The following STAT4 variants were observed in gnomAD, a reference collection of about 807,000 sequenced individuals.
STAT4 encodes the protein signal transducer and activator of transcription 4.
In STAT4, 42 loss-of-function variants were observed where a neutral mutation model predicts 110.5. That is an observed-to-expected ratio of 0.38 (90% CI 0.30 to 0.49). The LOEUF (loss-of-function observed/expected upper bound fraction) is 0.49. Among genes scored for constraint, STAT4 ranks in the 20% least tolerant of loss-of-function variants. STAT4 has a pLI of 0.95. For synonymous variants in STAT4, 284 were observed against 302.2 expected, an observed-to-expected ratio of 0.94 and a Z score of 0.63; for missense variants, 632 against 887.9, an observed-to-expected ratio of 0.71 and a Z score of 3.66.
chr2:191,131,986 A>C, intron 3 of STAT4: 1 of 1,243,120 alleles, frequency 8.0e-7, no homozygotes, highest in Non-Finnish European at 1.0e-6. Flanking sequence ...AAGAGAAGAC[A>C]GCATGAAACA....
At chr2:191,141,882 T>G (rs1276141339) in intron 3 of STAT4, among the ~76,000 whole-genome samples, 7 of 151,946 alleles carry the variant, frequency 4.6e-5, no homozygotes, top group African/African-American at 1.5e-4. Flanking sequence ...GAATTACAGG[T>G]GTGAGCTACC....
chr2:191,151,526 C>T (rs1174306713), upstream of STAT4: 1 of 985,592 alleles, frequency 1.0e-6, no homozygotes. The surrounding 1 kb of genome is among the most constrained non-coding windows in gnomAD (Gnocchi z 4.7). Flanking sequence ...GGGCCAAGTC[C>T]TGGGTAGGCC....
intron 13 of STAT4, among the ~76,000 whole-genome samples, chr2:191,057,602 CTTTTTTTTTTTTTT>C (rs1696739219): frequency 1.0e-5 from 1 of 98,594 alleles, no homozygotes; most frequent in South Asian, 3.1e-4. Context: ...TTTTCTTTTT[CTTTTTTTTTTTTTT>C]GAGATGCAGT....
Position 191,039,384 on chromosome 2 carries a change from A to C in STAT4, c.1336-87T>G. On this transcript the variant is annotated intron_variant, in intron 15 of 23. Coordinates refer to ENST00000392320, the MANE Select transcript of STAT4 (RefSeq NM_003151.4). This position sits in a 1 kb window ranked among gnomAD's most constrained non-coding sequence, Gnocchi z 4.7. Reference sequence around the variant, plus strand: ...CTTGACCCTCGCCTCTAAAGGGCCAATCTCAAGCCAGCCCCACACCTCCAG... The same window carrying C: ...CTTGACCCTCGCCTCTAAAGGGCCACTCTCAAGCCAGCCCCACACCTCCAG... 8.8e-7 allele frequency: 1 copy of C among 1,133,890 alleles called. No individual in the cohort carries two copies. The highest frequency in any genetic ancestry group is 1.3e-6 in the Non-Finnish European group (1 of 750,838). 70.2% of individuals were successfully genotyped at this position (1,133,890 alleles called of 1,614,324 possible).
chr2:191,108,946 T>G (rs1454306028), intron 3 of STAT4, among the ~76,000 whole-genome samples: 1 of 152,224 alleles, frequency 6.6e-6, no homozygotes. Flanking sequence ...TGACAAACCT[T>G]TTTTCCACTT....
rs751408402 is a variant in STAT4 at position 191,091,968 on chromosome 2, G to C, written c.274-15643C>G. On this transcript the variant is annotated intron_variant, in intron 3 of 23. Transcript: ENST00000392320. The surrounding 1 kb of genome is among the most constrained non-coding windows in gnomAD (Gnocchi z 5.4). ...ATAACTAGATTAGCAGAGCATAATA[G>C]AGAGTTGTGGAATAAAATATTAAAT... Among the ~76,000 whole-genome samples, 9 of 152,178 alleles carry C rather than the reference G, an allele frequency of 5.9e-5. No homozygotes were observed. The highest frequency in any genetic ancestry group is 1.3e-4 in the Non-Finnish European group (9 of 68,038).
At chr2:191,089,290 T>C (rs1439033123) in intron 3 of STAT4, among the ~76,000 whole-genome samples, 2 of 151,952 alleles carry the variant, frequency 1.3e-5, no homozygotes, top group African/African-American at 4.8e-5. Context: ...AGATGAAAAA[T>C]AGGCATATGA....
intron 3 of STAT4, among the ~76,000 whole-genome samples, chr2:191,098,649 C>T (rs1047871267): frequency 6.6e-6 from 1 of 152,220 alleles, no homozygotes; most frequent in African/African-American, 2.4e-5. Flanking sequence ...AGGAGAAATA[C>T]CTAATGTAAA....
At chr2:191,085,690 C>A (rs1464225210) in intron 3 of STAT4, among the ~76,000 whole-genome samples, 2 of 152,084 alleles carry the variant, frequency 1.3e-5, no homozygotes, top group Non-Finnish European at 1.5e-5. Context: ...CTGACAGGTG[C>A]TCTTGAATGC....
rs905371502 is a variant in STAT4 at position 191,107,651 on chromosome 2, G to A, written c.274-31326C>T. On this transcript the variant is annotated intron_variant, in intron 3 of 23. Transcript: ENST00000392320. This position sits in a 1 kb window ranked among gnomAD's most constrained non-coding sequence, Gnocchi z 4.2. The stretch of plus-strand genomic sequence containing the variant: ...CCTTAAATTCTGTGTCCATCTTTTG[G>A]TTTTGATATAGTGTTTTGTTTGCAG... Among the ~76,000 whole-genome samples, 3 of 152,158 alleles carry A rather than the reference G, an allele frequency of 2.0e-5. No individual in the cohort carries two copies. The highest frequency in any genetic ancestry group is 2.9e-5 in the Non-Finnish European group (2 of 68,030).
chr2:191,103,218 C>T (rs1216886964), intron 3 of STAT4, among the ~76,000 whole-genome samples: 2 of 152,066 alleles, frequency 1.3e-5, no homozygotes, highest in African/African-American at 2.4e-5. Flanking sequence ...TCTCTTGTTA[C>T]GTGGAATTTT....
Position 191,127,616 on chromosome 2 carries a change from T to A in STAT4, c.273+18997A>T, listed in dbSNP as rs1045598255. 9.9e-5 allele frequency among the ~76,000 whole-genome samples: 15 copies of A among 152,218 alleles called. 1 individual carries two copies. Among genetic ancestry groups the A allele is most frequent in the African/African-American group, 2.4e-5 (1 of 41,460 alleles). The stretch of plus-strand genomic sequence containing the variant: ...AGTCAACACTATCCTGATGTTAACA[T>A]CCATATGATGTAATCAATATTCAGT... On this transcript the variant is annotated intron_variant, in intron 3 of 23. Coordinates refer to ENST00000392320, the MANE Select transcript of STAT4 (RefSeq NM_003151.4).
intron 15 of STAT4, 134 bp downstream of exon 15, chr2:191,040,931 G>C (rs547134566): frequency 3.8e-6 from 2 of 529,040 alleles, no homozygotes; most frequent in African/African-American, 3.9e-5. Context: ...TTGACATATT[G>C]ACTTTCTAAA....
chr2:191,109,113 T>C (rs1698357334), intron 3 of STAT4, among the ~76,000 whole-genome samples: 1 of 152,226 alleles, frequency 6.6e-6, no homozygotes, highest in Non-Finnish European at 1.5e-5. Context: ...AGATGTTTGC[T>C]GAGTGCTTTC....
Position 191,084,992 on chromosome 2 carries a change from G to A in STAT4, c.274-8667C>T, listed in dbSNP as rs73981264. Among the ~76,000 whole-genome samples the A allele has an allele frequency of 4.6e-3, 695 of 150,498 alleles. 7 individuals are homozygous for A. Among genetic ancestry groups the A allele is most frequent in the African/African-American group, 0.015 (627 of 41,084 alleles). On this transcript the variant is annotated intron_variant, in intron 3 of 23. Transcript: ENST00000392320. ...AGGTAAAAAAAGTAGTTTTTCTCTC[G>A]AACAAGATTTTTGTGTAATATTAGA...
chr2:191,118,915 C>T lies in STAT4; in HGVS notation c.273+27698G>A, dbSNP rs554221221. ...CTGGAAGTAAATGTGCATGCCACCACGCCTGGCTAAGTTTTTCTAATTTTT... is the reference window on the plus strand; with the variant it reads ...CTGGAAGTAAATGTGCATGCCACCATGCCTGGCTAAGTTTTTCTAATTTTT... On this transcript the variant is annotated intron_variant, in intron 3 of 23. Coordinates refer to ENST00000392320, the MANE Select transcript of STAT4 (RefSeq NM_003151.4). Among the ~76,000 whole-genome samples, 14 of 152,228 alleles carry T rather than the reference C, an allele frequency of 9.2e-5. No homozygotes were observed. The South Asian group carries it at 2.1e-3, about 23-fold the overall frequency.
At chr2:191,125,641 G>A (rs959419556) in intron 3 of STAT4, among the ~76,000 whole-genome samples, 1 of 151,716 alleles carries the variant, frequency 6.6e-6, no homozygotes, top group Non-Finnish European at 1.5e-5. Flanking sequence ...GTGTACGCAC[G>A]CTACCATGCC....
intron 3 of STAT4, among the ~76,000 whole-genome samples, chr2:191,096,481 A>G (rs1287168542): frequency 6.6e-6 from 1 of 152,314 alleles, no homozygotes; most frequent in East Asian, 1.9e-4. Context: ...AAATCGATAA[A>G]CATAATCCAT....
chr2:191,136,032 A>AAAAAAAAAAAAAAAAG (rs1699174620), intron 3 of STAT4, among the ~76,000 whole-genome samples: 1 of 151,682 alleles, frequency 6.6e-6, no homozygotes, highest in African/African-American at 2.4e-5. Context: ...ACCAAAAAAC[A>AAAAAAAAAAAAAAAAG]AAAAACCAAT....
Sources: gnomAD v4.1 joint callset for allele counts (sites outside exome capture counted in the v4.1 genomes callset) on GRCh38, gnomAD v4.1.1 for gene constraint, Gnocchi (gnomAD v3.1) non-coding constraint, MANE v1.5 for transcripts, NCBI Gene and HGNC (gene_info 2026-07-23, HGNC 2026-07-21) for gene names.